NLGN1: variants seen among roughly 807,000 people sequenced by gnomAD.
NLGN1 encodes neuroligin-1.
In NLGN1, 12 loss-of-function variants were observed where a neutral mutation model predicts 65.5. That is an observed-to-expected ratio of 0.18 (90% CI 0.12 to 0.30). NLGN1 has a LOEUF of 0.30. Among genes scored for constraint, NLGN1 ranks in the 10% least tolerant of loss-of-function variants. The pLI, the probability that NLGN1 is intolerant of heterozygous loss-of-function variation, is 1.00. For missense variants in NLGN1, 750 were observed against 1,007.1 expected, an observed-to-expected ratio of 0.74 and a Z score of 3.46; for synonymous variants, 350 against 359.5, an observed-to-expected ratio of 0.97 and a Z score of 0.30.
intron 4 of NLGN1, among the ~76,000 whole-genome samples, chr3:174,226,187 A>C: frequency 6.6e-6 from 1 of 152,142 alleles, no homozygotes; most frequent in East Asian, 1.9e-4. Flanking sequence ...GTTCTTTATG[A>C]GCACAGCTAT....
At position 173,417,177 on chromosome 3, in the gene NLGN1, G is replaced by T. The variant is rs565226684; in HGVS notation, c.-389-17833G>T. ...TCCATGTCTCAAGGTAATATCTATG[G>T]TGTCGCAAATTACATTTGTAATTAG... is the stretch of plus-strand genomic sequence containing the variant. On this transcript the variant is annotated intron_variant, in intron 1 of 6. Coordinates refer to ENST00000457714, the Ensembl canonical transcript of NLGN1. Among the ~76,000 whole-genome samples, 7 of 151,918 alleles carry T rather than the reference G, an allele frequency of 4.6e-5. No individual in the cohort carries two copies. In the South Asian group the frequency reaches 1.5e-3, roughly 32 times the overall value.
At chr3:174,062,052 G>T (rs955125586) in intron 4 of NLGN1, among the ~76,000 whole-genome samples, 2 of 152,008 alleles carry the variant, frequency 1.3e-5, no homozygotes, top group Non-Finnish European at 2.9e-5. Flanking sequence ...GAATGCTTGG[G>T]GGGGAAGAAA....
chr3:174,174,072 T>C (rs1729014635), intron 4 of NLGN1, among the ~76,000 whole-genome samples: 1 of 152,072 alleles, frequency 6.6e-6, no homozygotes, highest in Non-Finnish European at 1.5e-5. Flanking sequence ...TGAGAACATA[T>C]GATGTTTGTT....
intron 2 of NLGN1, among the ~76,000 whole-genome samples, chr3:173,443,437 TATTG>T (rs1324486799): frequency 4.0e-5 from 6 of 151,404 alleles, no homozygotes; most frequent in Non-Finnish European, 7.4e-5. Flanking sequence ...TATATGACTT[TATTG>T]ATTATGATTT....
intron 2 of NLGN1, among the ~76,000 whole-genome samples, chr3:173,453,382 G>GTT (rs1302131557): frequency 7.0e-6 from 1 of 143,704 alleles, no homozygotes; most frequent in Non-Finnish European, 1.5e-5. Flanking sequence ...GGGATTGGTA[G>GTT]TTTTTTTTTT....
intron 3 of NLGN1, among the ~76,000 whole-genome samples, chr3:173,758,297 T>C (rs1777437438): frequency 6.6e-6 from 1 of 152,030 alleles, no homozygotes; most frequent in South Asian, 2.1e-4. Flanking sequence ...TTGTTTAAGC[T>C]ACCAAGCCTA....
chr3:173,830,211 C>A (rs184366328), intron 4 of NLGN1, among the ~76,000 whole-genome samples: 2 of 152,208 alleles, frequency 1.3e-5, no homozygotes, highest in Admixed American at 6.5e-5. Context: ...TAATAGTATT[C>A]CCATTCAACC....
chr3:173,745,878 A>G (rs60685247), intron 3 of NLGN1, among the ~76,000 whole-genome samples: 2,130 of 152,202 alleles, frequency 0.014, 46 homozygotes, highest in African/African-American at 0.049. Flanking sequence ...ACCATAAGTT[A>G]GAAACATTCA....
intron 3 of NLGN1, among the ~76,000 whole-genome samples, chr3:173,748,336 T>C (rs556213479): frequency 5.3e-5 from 8 of 152,096 alleles, no homozygotes; most frequent in Admixed American, 3.9e-4. Flanking sequence ...TCTGAACACA[T>C]AGGGGCAGAG....
chr3:173,804,942 C>T (rs535693709), intron 3 of NLGN1, among the ~76,000 whole-genome samples: 1 of 152,222 alleles, frequency 6.6e-6, no homozygotes, highest in South Asian at 2.1e-4. Context: ...AGGAGAATAG[C>T]TTGAACACTG....
At chr3:173,772,146 C>T (rs111753480) in intron 3 of NLGN1, among the ~76,000 whole-genome samples, 2,110 of 152,172 alleles carry the variant, frequency 0.014, 54 homozygotes, top group African/African-American at 0.047. Context: ...CTCATTTTTA[C>T]TTTCCCTTTT....
At chr3:173,893,370 C>T (rs1735713996) in intron 4 of NLGN1, among the ~76,000 whole-genome samples, 1 of 152,162 alleles carries the variant, frequency 6.6e-6, no homozygotes. Context: ...GAGAAAGTTA[C>T]TTTACCTTTT....
intron 4 of NLGN1, among the ~76,000 whole-genome samples, chr3:174,026,020 C>T (rs1199824664): frequency 6.6e-6 from 1 of 151,934 alleles, no homozygotes; most frequent in African/African-American, 2.4e-5. Context: ...TCCCAGAGGC[C>T]AAAGACTATG....
chr3:174,136,245 A>G (rs1243244997), intron 4 of NLGN1, among the ~76,000 whole-genome samples: 2 of 152,162 alleles, frequency 1.3e-5, no homozygotes, highest in Non-Finnish European at 2.9e-5. Flanking sequence ...GAACAGGAAA[A>G]TAAAAGGCAC....
intron 3 of NLGN1, among the ~76,000 whole-genome samples, chr3:173,665,909 A>G (rs191718838): frequency 1.3e-5 from 2 of 152,216 alleles, no homozygotes; most frequent in African/African-American, 4.8e-5. Context: ...TCGGCCTTCC[A>G]TTGGCATTAT....
intron 4 of NLGN1, 56 bp from the exon 5 acceptor site, chr3:174,275,259 A>G (rs1750327878): frequency 7.9e-7 from 1 of 1,270,236 alleles, no homozygotes; most frequent in Admixed American, 1.8e-5. Context: ...TTTAAATTTG[A>G]TGTCTATTTG....
chr3:174,130,682 A>G (rs1430477992), intron 4 of NLGN1, among the ~76,000 whole-genome samples: 2 of 152,166 alleles, frequency 1.3e-5, no homozygotes. Flanking sequence ...GTAGCAGGTG[A>G]CGCAGACAAC....
In NLGN1 at chr3:174,079,102, A is replaced by G. The variant is rs180704929; in HGVS notation, c.647-196213A>G. ...GACTGTATATACTCTCAAACAGACAACCTGCAGAATGGGAAATTATTTTTG... is the reference window on the plus strand; with the variant it reads ...GACTGTATATACTCTCAAACAGACAGCCTGCAGAATGGGAAATTATTTTTG... On this transcript the variant is annotated intron_variant, in intron 4 of 6. Coordinates refer to ENST00000457714, the Ensembl canonical transcript of NLGN1. Among the ~76,000 whole-genome samples the G allele has an allele frequency of 5.9e-5, 9 of 152,240 alleles. 1 individual carries two copies. The highest frequency in any genetic ancestry group is 1.9e-4 in the African/African-American group (8 of 41,548).
At chr3:173,938,977 A>G (rs1406592106) in intron 4 of NLGN1, among the ~76,000 whole-genome samples, 5 of 152,204 alleles carry the variant, frequency 3.3e-5, no homozygotes, top group Non-Finnish European at 7.3e-5. Context: ...GAGCTTGTCA[A>G]CACAATGACC....
Sources: allele counts gnomAD v4.1 joint callset (sites outside exome capture counted in the v4.1 genomes callset), GRCh38; gene constraint gnomAD v4.1.1; transcripts MANE v1.5; gene names NCBI Gene and HGNC (gene_info 2026-07-23, HGNC 2026-07-21).